The following ZNF148 variants were observed in gnomAD, a reference collection of about 807,000 sequenced individuals.
ZNF148 encodes the protein Beta-Enolase Repressor Factor-1.
In ZNF148, 7 loss-of-function variants were observed where a neutral mutation model predicts 67.7. That is an observed-to-expected ratio of 0.10 (90% CI 0.06 to 0.19). The LOEUF (loss-of-function observed/expected upper bound fraction) is 0.19. Ranked by LOEUF, ZNF148 falls within the 10% of genes least tolerant of loss-of-function variation. ZNF148 has a pLI of 1.00. For synonymous variants in ZNF148, 333 were observed against 330.7 expected, an observed-to-expected ratio of 1.01 and a Z score of -0.08; for missense variants, 583 against 947.1, an observed-to-expected ratio of 0.62 and a Z score of 5.05.
intron 1 of ZNF148, among the ~76,000 whole-genome samples, chr3:125,374,325 A>T (rs557222536): frequency 1.3e-5 from 2 of 152,244 alleles, no homozygotes; most frequent in East Asian, 3.9e-4. Flanking sequence ...TTTATTAATT[A>T]TACTACATCT....
intron 1 of ZNF148, among the ~76,000 whole-genome samples, chr3:125,338,598 C>G (rs181368243): frequency 2.2e-4 from 28 of 129,846 alleles, no homozygotes; most frequent in Non-Finnish European, 3.4e-4. Context: ...GGGCAAAGGT[C>G]GCAGTGAGCC....
intron 7 of ZNF148, among the ~76,000 whole-genome samples, chr3:125,237,848 A>AATG (rs1936163527): frequency 6.6e-6 from 1 of 152,216 alleles, no homozygotes; most frequent in African/African-American, 2.4e-5. Flanking sequence ...GAAAAAGAAG[A>AATG]ATGAAGCAGG....
intron 7 of ZNF148, among the ~76,000 whole-genome samples, chr3:125,256,492 T>C (rs1937084177): frequency 6.6e-6 from 1 of 150,620 alleles, no homozygotes; most frequent in South Asian, 2.1e-4. Context: ...ACCTGGCCAA[T>C]ATGGTGAAAC....
At chr3:125,342,006 G>C (rs968809819) in intron 1 of ZNF148, among the ~76,000 whole-genome samples, 2 of 147,116 alleles carry the variant, frequency 1.4e-5, no homozygotes, top group African/African-American at 4.9e-5. Flanking sequence ...GGGCGGGGGG[G>C]GGAATGGAAA....
At chr3:125,292,208 A>T (rs1939054904) in intron 4 of ZNF148, among the ~76,000 whole-genome samples, 1 of 152,180 alleles carries the variant, frequency 6.6e-6, no homozygotes, top group Non-Finnish European at 1.5e-5. Flanking sequence ...GTGAATCACG[A>T]ACTATATCTG....
chr3:125,264,155 T>C lies in ZNF148; in HGVS notation c.667+13571A>G, dbSNP rs75997977. Reference sequence around the variant, plus strand: ...TCTGGCTGTACAACTGAATCCTTTGTAATAAAATGGTAAATGTAAGTAAAG... The same window carrying C: ...TCTGGCTGTACAACTGAATCCTTTGCAATAAAATGGTAAATGTAAGTAAAG... On this transcript the variant is annotated intron_variant, in intron 7 of 8. Coordinates refer to ENST00000360647, the MANE Select transcript of ZNF148 (RefSeq NM_021964.3). 7.5e-4 allele frequency among the ~76,000 whole-genome samples: 114 copies of C among 152,382 alleles called. No individual in the cohort carries two copies. In the East Asian group the frequency reaches 0.021, roughly 28 times the overall value.
chr3:125,318,289 G>A (rs1462334651), intron 3 of ZNF148, among the ~76,000 whole-genome samples: 1 of 152,108 alleles, frequency 6.6e-6, no homozygotes, highest in Non-Finnish European at 1.5e-5. Context: ...TCAGCCAAGT[G>A]TAAAGAAAGA....
At chr3:125,268,642 C>T (rs1313757857) in intron 7 of ZNF148, among the ~76,000 whole-genome samples, 1 of 152,068 alleles carries the variant, frequency 6.6e-6, no homozygotes, top group East Asian at 1.9e-4. Flanking sequence ...AGACATAAGC[C>T]TTGGCAAAGA....
intron 4 of ZNF148, among the ~76,000 whole-genome samples, chr3:125,298,515 C>G (rs1261920885): frequency 1.3e-5 from 2 of 151,766 alleles, no homozygotes; most frequent in Non-Finnish European, 2.9e-5. Context: ...ACATGGAAAT[C>G]TCCACAAGAT....
intron 4 of ZNF148, among the ~76,000 whole-genome samples, chr3:125,295,220 C>A (rs1939218511): frequency 6.6e-6 from 1 of 152,032 alleles, no homozygotes; most frequent in South Asian, 2.1e-4. Flanking sequence ...CTTTGGGAGG[C>A]CGAGGTGGGT....
rs1030134991 is a variant in ZNF148, at chr3:125,279,876, G to A, written c.460-629C>T. Among the ~76,000 whole-genome samples, 38 of 151,962 alleles carry A rather than the reference G, an allele frequency of 2.5e-4. 1 individual carries two copies. Among genetic ancestry groups the A allele is most frequent in the Admixed American group, 6.6e-5 (1 of 15,248 alleles). Reference sequence around the variant, plus strand: ...ACTTGAGAAGGATATATATACAGAAGTATATAACCTTGATTGTGATGGCTG... The same window carrying A: ...ACTTGAGAAGGATATATATACAGAAATATATAACCTTGATTGTGATGGCTG... On this transcript the variant is annotated intron_variant, in intron 5 of 8. Transcript: ENST00000360647.
intron 1 of ZNF148, among the ~76,000 whole-genome samples, chr3:125,342,570 T>G (rs1941774204): frequency 6.6e-6 from 1 of 151,176 alleles, no homozygotes; most frequent in Non-Finnish European, 1.5e-5. Context: ...AATAAAAGTA[T>G]ATTCTCAAAT....
intron 1 of ZNF148, chr3:125,344,317 G>T: frequency 1.9e-6 from 1 of 515,330 alleles, no homozygotes; most frequent in South Asian, 2.0e-5. Context: ...TGACCTGAAT[G>T]AAACAAATCT....
intron 7 of ZNF148, among the ~76,000 whole-genome samples, chr3:125,263,271 C>T (rs907708211): frequency 6.6e-6 from 1 of 152,238 alleles, no homozygotes; most frequent in Non-Finnish European, 1.5e-5. Flanking sequence ...TATATTTAGG[C>T]TGGGCACGGT....
At chr3:125,257,250 T>C (rs1460059888) in intron 7 of ZNF148, among the ~76,000 whole-genome samples, 1 of 152,104 alleles carries the variant, frequency 6.6e-6, no homozygotes, top group Non-Finnish European at 1.5e-5. Context: ...GATTATAATT[T>C]CTTCTTTTAA....
intron 7 of ZNF148, among the ~76,000 whole-genome samples, chr3:125,264,830 T>C (rs1194352161): frequency 6.6e-6 from 1 of 152,222 alleles, no homozygotes; most frequent in Non-Finnish European, 1.5e-5. Flanking sequence ...AATCTCATCA[T>C]TAAACAATCA....
At chr3:125,309,288 A>C (rs935353387) in intron 4 of ZNF148, among the ~76,000 whole-genome samples, 5 of 152,224 alleles carry the variant, frequency 3.3e-5, no homozygotes, top group Non-Finnish European at 5.9e-5. Flanking sequence ...TGCCTACTAT[A>C]ACCCAGGTAT....
At chr3:125,359,924 AAGT>A (rs1942484608) in intron 1 of ZNF148, among the ~76,000 whole-genome samples, 1 of 152,234 alleles carries the variant, frequency 6.6e-6, no homozygotes, top group African/African-American at 2.4e-5. Context: ...ACCAGCTGCT[AAGT>A]GCACCGCCAG....
Position 125,232,081 on chromosome 3 carries a change from G to T in ZNF148, c.*260C>A. On this transcript the variant is annotated 3_prime_UTR_variant, in exon 9 of 9. Transcript: ENST00000360647. This position sits in a 1 kb window ranked among gnomAD's most constrained non-coding sequence, Gnocchi z 4.2. ...GTCTTTTTTTTTTCCTTTTTAACTT[G>T]GTGTGGGTGGAATAGCAAGTTTCTG... 1 of 352,798 alleles carries T rather than the reference G, an allele frequency of 2.8e-6. No homozygotes were observed. The highest frequency in any genetic ancestry group is 5.1e-6 in the Non-Finnish European group (1 of 196,096). 21.9% of individuals were successfully genotyped at this position (352,798 alleles called of 1,614,324 possible).
Sources: allele counts gnomAD v4.1 joint callset (sites outside exome capture counted in the v4.1 genomes callset), GRCh38; gene constraint gnomAD v4.1.1; non-coding constraint Gnocchi (gnomAD v3.1); transcripts MANE v1.5; gene names NCBI Gene and HGNC (gene_info 2026-07-23, HGNC 2026-07-21).